Variants in HHAT observed in about 807,000 individuals in gnomAD.
The protein encoded by HHAT is protein-cysteine N-palmitoyltransferase HHAT.
A neutral mutation model predicts 70.8 loss-of-function variants in HHAT; 47 were observed. The ratio of observed to expected loss-of-function variants is 0.66; its 90% CI spans 0.53 to 0.85. The LOEUF (loss-of-function observed/expected upper bound fraction) is 0.85. Ranked by LOEUF, HHAT falls within the 40% of genes least tolerant of loss-of-function variation. HHAT has a pLI of 0.00. For missense variants in HHAT, 609 were observed against 604.8 expected (o/e 1.01, Z -0.07); for synonymous variants, 228 against 247.6 (o/e 0.92, Z 0.74).
chr1:210,630,296 G>A (rs1403439974), intron 11 of HHAT, among the ~76,000 whole-genome samples: 1 of 152,154 alleles, frequency 6.6e-6, no homozygotes, highest in Non-Finnish European at 1.5e-5. Flanking sequence ...GGGGCTTAGA[G>A]GGTGGGCATC....
intron 8 of HHAT, among the ~76,000 whole-genome samples, chr1:210,475,518 A>G (rs1012004434): frequency 3.9e-5 from 6 of 152,146 alleles, no homozygotes. Flanking sequence ...CTCCACCTAC[A>G]TGACAGACTT....
chr1:210,354,067 C>T (rs1040103990), intron 2 of HHAT, among the ~76,000 whole-genome samples: 1 of 152,088 alleles, frequency 6.6e-6, no homozygotes, highest in African/African-American at 2.4e-5. Context: ...GGCCAATTAA[C>T]GCTTCCAAAG....
At chr1:210,474,224 C>T (rs1250607951) in intron 8 of HHAT, among the ~76,000 whole-genome samples, 2 of 152,120 alleles carry the variant, frequency 1.3e-5, no homozygotes, top group African/African-American at 2.4e-5. Context: ...CTTAACAAAC[C>T]GATATTTTCT....
chr1:210,560,603 T>C (rs2095612339), intron 9 of HHAT, among the ~76,000 whole-genome samples: 2 of 148,502 alleles, frequency 1.3e-5, no homozygotes, highest in Admixed American at 1.4e-4. Flanking sequence ...ATTGCTTAAA[T>C]CCAGCAGCTC....
chr1:210,595,202 G>A (rs1662681627), intron 10 of HHAT, among the ~76,000 whole-genome samples: 1 of 152,024 alleles, frequency 6.6e-6, no homozygotes, highest in Non-Finnish European at 1.5e-5. Context: ...ACCTATGAGT[G>A]AGAACAAGCG....
chr1:210,574,142 A>G (rs761874393), intron 9 of HHAT, among the ~76,000 whole-genome samples: 5 of 152,238 alleles, frequency 3.3e-5, no homozygotes, highest in Non-Finnish European at 2.9e-5. Flanking sequence ...AAGTTGAAAG[A>G]GATCATCTAG....
At chr1:210,513,115 CTT>C (rs2094988653) in intron 8 of HHAT, 36 bp from the exon 9 acceptor site, 1 of 1,294,788 alleles carries the variant, frequency 7.7e-7, no homozygotes, top group African/African-American at 1.5e-5. Flanking sequence ...CTATAAATAT[CTT>C]TTATTGATAT....
intron 7 of HHAT, among the ~76,000 whole-genome samples, chr1:210,461,165 T>C (rs1032432519): frequency 1.3e-5 from 2 of 152,260 alleles, no homozygotes; most frequent in African/African-American, 2.4e-5. Flanking sequence ...TATAGTCTTA[T>C]GTTGCCTTCC....
intron 11 of HHAT, among the ~76,000 whole-genome samples, chr1:210,624,267 CT>C (rs1252992797): frequency 1.3e-5 from 2 of 152,292 alleles, no homozygotes; most frequent in Admixed American, 1.3e-4. Context: ...GCAAGAAGGT[CT>C]TCACCAGATG....
intron 11 of HHAT, among the ~76,000 whole-genome samples, chr1:210,664,688 A>G (rs540168232): frequency 9.5e-4 from 139 of 146,380 alleles, no homozygotes; most frequent in African/African-American, 3.4e-3. Flanking sequence ...GGCATGGACC[A>G]GTGGATCCAA....
chr1:210,329,584 C>T (rs1000806056), intron 1 of HHAT: 3 of 593,054 alleles, frequency 5.1e-6, no homozygotes, highest in Admixed American at 1.3e-4. Context: ...AAAACCCTCC[C>T]GCTAATCCTC....
At chr1:210,380,887 CAG>C (rs890633378) in intron 3 of HHAT, among the ~76,000 whole-genome samples, 1 of 151,870 alleles carries the variant, frequency 6.6e-6, no homozygotes, top group African/African-American at 2.4e-5. Flanking sequence ...GAAGGGTGGA[CAG>C]GGGGACAGGG....
At position 210,549,530 on chromosome 1, in the gene HHAT, C is replaced by T. The variant is rs778499308; in HGVS notation, c.1043+36342C>T. On this transcript the variant is annotated intron_variant, in intron 9 of 11. Transcript: ENST00000261458. ...TTCTAGTCAGTCAGTGCTCAAAGGC[C>T]ATTTGATGGGAAGACATCCATATGC... 2.0e-5 allele frequency among the ~76,000 whole-genome samples: 3 copies of T among 148,618 alleles called. 1 individual carries two copies. Among genetic ancestry groups the T allele is most frequent in the Non-Finnish European group, 4.4e-5 (3 of 67,862 alleles).
chr1:210,329,307 C>T (rs1000607793), intron 1 of HHAT: 5 of 1,221,390 alleles, frequency 4.1e-6, no homozygotes, highest in South Asian at 8.0e-5. Flanking sequence ...CGCAGTGCGC[C>T]CGGGCAAAGG....
At chr1:210,646,228 A>G (rs1674032473) in intron 11 of HHAT, among the ~76,000 whole-genome samples, 1 of 152,216 alleles carries the variant, frequency 6.6e-6, no homozygotes, top group African/African-American at 2.4e-5. Context: ...TTTTTGTTAC[A>G]AGAGACTTCT....
At chr1:210,592,334 G>A (rs1028813265) in intron 10 of HHAT, among the ~76,000 whole-genome samples, 3 of 151,958 alleles carry the variant, frequency 2.0e-5, no homozygotes, top group Non-Finnish European at 4.4e-5. Flanking sequence ...TTGAAAATGA[G>A]TTCACTGTTG....
chr1:210,464,613 C>T lies in HHAT; in HGVS notation c.965C>T (p.Pro322Leu), dbSNP rs761454249. The change falls in exon 8 of 12, where the codon CCC becomes CTC. Residue 322 changes from proline (P) to leucine (L), a missense_variant. Transcript: ENST00000261458. Reference sequence around the variant, plus strand: ...GATGGACTCACTCCACCCGCCCTCCCCCGCTGCGTGAGCACCATGTTCAGT... The same window carrying T: ...GATGGACTCACTCCACCCGCCCTCCTCCGCTGCGTGAGCACCATGTTCAGT... ...RLDGLTPPAL[P>L]RCVSTMFSFT... 1.9e-6 allele frequency: 3 copies of T among 1,614,076 alleles called. No individual in the cohort carries two copies. In the African/African-American group the frequency reaches 4.0e-5, roughly 22 times the overall value.
chr1:210,648,833 TATGCAAA>T (rs1351730044), intron 11 of HHAT, among the ~76,000 whole-genome samples: 1 of 152,254 alleles, frequency 6.6e-6, no homozygotes, highest in Non-Finnish European at 1.5e-5. Context: ...GAATGTGCAT[TATGCAAA>T]ATGCAAAAGC....
At chr1:210,385,700 T>A (rs1458439328) in intron 3 of HHAT, among the ~76,000 whole-genome samples, 3 of 152,194 alleles carry the variant, frequency 2.0e-5, no homozygotes, top group Non-Finnish European at 2.9e-5. Context: ...AAAACTTTTT[T>A]AAAATGAGTG....
Sources: allele counts gnomAD v4.1 joint callset (sites outside exome capture counted in the v4.1 genomes callset), GRCh38; gene constraint gnomAD v4.1.1; transcripts MANE v1.5; gene names NCBI Gene and HGNC (gene_info 2026-07-23, HGNC 2026-07-21).